Variants in PRMT8 observed in about 807,000 individuals in gnomAD.
The protein encoded by PRMT8 is protein arginine N-methyltransferase 8.
A neutral mutation model predicts 47.1 loss-of-function variants in PRMT8; 7 were observed. The observed-to-expected ratio is 0.15, with a 90% CI of 0.08 to 0.28. The LOEUF (loss-of-function observed/expected upper bound fraction) is 0.28. Among genes scored for constraint, PRMT8 ranks in the 10% least tolerant of loss-of-function variants. PRMT8 has a pLI of 1.00. For missense variants in PRMT8, 237 were observed against 505.4 expected, an observed-to-expected ratio of 0.47 and a Z score of 5.09; for synonymous variants, 188 against 186.5, an observed-to-expected ratio of 1.01 and a Z score of -0.07.
In PRMT8 at chr12:3,436,747, G is replaced by T. The variant is rs1051100035; in HGVS notation, c.48+55305G>T. 6.6e-6 allele frequency among the ~76,000 whole-genome samples: 1 copy of T among 152,144 alleles called. No individual in the cohort carries two copies. The highest frequency in any genetic ancestry group is 1.5e-5 in the Non-Finnish European group (1 of 68,032). On this transcript the variant is annotated intron_variant, in intron 1 of 9. Transcript: ENST00000452611. This position sits in a 1 kb window ranked among gnomAD's most constrained non-coding sequence, Gnocchi z 4.2. ...AAGGTGAAGTTATTTCCAGCGGATC[G>T]ATTGCAGCATCTCCCCGACAGCATG... is the stretch of plus-strand genomic sequence containing the variant.
At chr12:3,533,818 T>G (rs1866073155) in intron 1 of PRMT8, among the ~76,000 whole-genome samples, 1 of 152,274 alleles carries the variant, frequency 6.6e-6, no homozygotes, top group African/African-American at 2.4e-5. Context: ...CTTGCTTGTC[T>G]TGCTGCTGCC....
chr12:3,460,023 G>T (rs1219714477), intron 1 of PRMT8, among the ~76,000 whole-genome samples: 1 of 152,200 alleles, frequency 6.6e-6, no homozygotes, highest in Non-Finnish European at 1.5e-5. Context: ...CCCCTGGGAG[G>T]TTAAGCTGTG....
At position 3,593,309 on chromosome 12, in the gene PRMT8, G is replaced by T. The variant is rs963196314; in HGVS notation, c.*127G>T. On this transcript the variant is annotated 3_prime_UTR_variant, in exon 10 of 10. Transcript: ENST00000382622. This position sits in a 1 kb window ranked among gnomAD's most constrained non-coding sequence, Gnocchi z 4.8. ...CCAGAGTTTTCAACTCTGCCTTGAA[G>T]ATTGGTGAACTCCCCAGGGCTCCCG... 1 of 801,834 alleles carries T rather than the reference G, an allele frequency of 1.2e-6. No individual in the cohort carries two copies. The highest frequency in any genetic ancestry group is 2.0e-6 in the Non-Finnish European group (1 of 506,288). The allele number at this position is 801,834 out of a possible 1,614,324, so 49.7% of individuals were successfully genotyped here. A position where few individuals can be genotyped will look rare whatever the true frequency, so the allele number is the denominator to read the frequency against.
At chr12:3,455,440 C>T (rs1591554811) in intron 1 of PRMT8, among the ~76,000 whole-genome samples, 2 of 152,152 alleles carry the variant, frequency 1.3e-5, no homozygotes, top group Non-Finnish European at 2.9e-5. Flanking sequence ...CTTCAGGCGT[C>T]GATGCTGCCC....
At position 3,583,340 on chromosome 12, in the gene PRMT8, C is replaced by G. The variant is rs1209115291; in HGVS notation, c.979+132C>G. On this transcript the variant is annotated intron_variant, in intron 8 of 9. Coordinates refer to ENST00000382622, the MANE Select transcript of PRMT8 (RefSeq NM_019854.5). The surrounding 1 kb of genome is among the most constrained non-coding windows in gnomAD (Gnocchi z 4.7). ...TAGCTGGGTGACACCTATCAACCCTCTCCAGCCATGGAGGAACCATGCATC... is the reference window on the plus strand; with the variant it reads ...TAGCTGGGTGACACCTATCAACCCTGTCCAGCCATGGAGGAACCATGCATC... 18 of 1,000,944 alleles carry G rather than the reference C, an allele frequency of 1.8e-5. No homozygotes were observed. Among genetic ancestry groups the G allele is most frequent in the Non-Finnish European group, 2.6e-5 (18 of 695,644 alleles). 62.0% of individuals were successfully genotyped at this position (1,000,944 alleles called of 1,614,324 possible). A position where few individuals can be genotyped will look rare whatever the true frequency, so the allele number is the denominator to read the frequency against.
At chr12:3,393,201 G>A (rs1354042379) in intron 1 of PRMT8, among the ~76,000 whole-genome samples, 1 of 152,178 alleles carries the variant, frequency 6.6e-6, no homozygotes, top group African/African-American at 2.4e-5. Flanking sequence ...TTGCTGTGCA[G>A]AAGCTCTTTA....
intron 1 of PRMT8, among the ~76,000 whole-genome samples, chr12:3,506,039 G>A (rs147215217): frequency 1.3e-5 from 2 of 152,174 alleles, no homozygotes; most frequent in Non-Finnish European, 2.9e-5. Flanking sequence ...TAGGCCCACC[G>A]ACTTCTCAGC....
At chr12:3,497,398 G>T (rs569337183) in intron 1 of PRMT8, among the ~76,000 whole-genome samples, 2 of 152,260 alleles carry the variant, frequency 1.3e-5, no homozygotes, top group Admixed American at 6.5e-5. Context: ...CAAACTCCTC[G>T]AGTGTCTCAG....
chr12:3,431,895 G>A (rs1007973097), intron 1 of PRMT8, among the ~76,000 whole-genome samples: 5 of 152,232 alleles, frequency 3.3e-5, no homozygotes, highest in African/African-American at 1.2e-4. Flanking sequence ...CTACTGGGAG[G>A]AACCTCGCTG....
intron 1 of PRMT8, among the ~76,000 whole-genome samples, chr12:3,452,039 G>C (rs1864924168): frequency 6.6e-6 from 1 of 152,188 alleles, no homozygotes; most frequent in African/African-American, 2.4e-5. Flanking sequence ...TCTTTAGGAA[G>C]AAAGTGCCTG....
At position 3,470,339 on chromosome 12, in the gene PRMT8, C is replaced by T. The variant is rs564280225; in HGVS notation, c.49-70267C>T. Among the ~76,000 whole-genome samples, 24 of 152,216 alleles carry T rather than the reference C, an allele frequency of 1.6e-4. 1 individual carries two copies. In the East Asian group the frequency reaches 4.3e-3, roughly 27 times the overall value. On this transcript the variant is annotated intron_variant, in intron 1 of 9. Transcript: ENST00000452611. ...AATTGTTCTCACTTTGGTTGTTTTT[C>T]CATAGGACTCAATGTGCTCTTACAC...
At position 3,569,446 on chromosome 12, in the gene PRMT8, C is replaced by T. The variant is rs752122919; in HGVS notation, c.625-31C>T. ...ATGTCTTTGTCAGGTGAATAGATTA[C>T]GAGACCCATTTCCCCACAATTCATC... On this transcript the variant is annotated intron_variant, in intron 5 of 9. Coordinates refer to ENST00000382622, the MANE Select transcript of PRMT8 (RefSeq NM_019854.5). This position sits in a 1 kb window ranked among gnomAD's most constrained non-coding sequence, Gnocchi z 8.2. 1.6e-5 allele frequency: 25 copies of T among 1,571,314 alleles called. No individual in the cohort carries two copies. Among genetic ancestry groups the T allele is most frequent in the Middle Eastern group, 1.7e-4 (1 of 5,962 alleles).
At chr12:3,438,281 G>A (rs1474577455) in intron 1 of PRMT8, among the ~76,000 whole-genome samples, 1 of 152,198 alleles carries the variant, frequency 6.6e-6, no homozygotes, top group East Asian at 1.9e-4. Context: ...TTAGTCATTC[G>A]CGGTTTCAGG....
intron 1 of PRMT8, among the ~76,000 whole-genome samples, chr12:3,394,843 G>A (rs1275648351): frequency 1.3e-5 from 2 of 151,084 alleles, no homozygotes; most frequent in African/African-American, 4.8e-5. Flanking sequence ...TCTGGTCCTG[G>A]ACTCTTTTTG....
Position 3,454,256 on chromosome 12 carries a change from G to A in PRMT8, c.48+72814G>A, listed in dbSNP as rs1374670963. On this transcript the variant is annotated intron_variant, in intron 1 of 9. Coordinates refer to the PRMT8 transcript ENST00000452611. ...AAGCCGCTTCTTCTGACTCCCTGAC[G>A]GGGAGCCTGCGGATGGATTCCCAGG... Among the ~76,000 whole-genome samples the A allele has an allele frequency of 3.3e-5, 5 of 152,044 alleles. 1 individual carries two copies. Among genetic ancestry groups the A allele is most frequent in the Non-Finnish European group, 7.4e-5 (5 of 68,002 alleles).
In PRMT8 at chr12:3,535,004, C is replaced by T. The variant is rs78493673; in HGVS notation, c.76-5602C>T. Among the ~76,000 whole-genome samples the T allele has an allele frequency of 0.022, 3,341 of 152,328 alleles. 130 individuals carry two copies. Among genetic ancestry groups the T allele is most frequent in the African/African-American group, 0.076 (3,138 of 41,558 alleles). ...TCTATCTATAAAGTGCTTGGCGCAG[C>T]GCCTGGGGCGCAGTGGGCCCTTAGT... On this transcript the variant is annotated intron_variant, in intron 1 of 9. Coordinates refer to ENST00000382622, the MANE Select transcript of PRMT8 (RefSeq NM_019854.5). This position sits in a 1 kb window ranked among gnomAD's most constrained non-coding sequence, Gnocchi z 4.7.
chr12:3,588,233 C>T (rs1867224963), intron 8 of PRMT8, among the ~76,000 whole-genome samples: 1 of 152,176 alleles, frequency 6.6e-6, no homozygotes, highest in African/African-American at 2.4e-5. Flanking sequence ...GTCATTTTCC[C>T]ACATTAAAGA....
rs149899403 is a variant in PRMT8 at position 3,554,676 on chromosome 12, AG to A, written c.481+967del. ...GACGTTCCCTTGAGGGGTCTGGGGC[AG>A]GGGGAAAAAGAGGCCAGGTTGGGAA... On this transcript the variant is annotated intron_variant, in intron 4 of 9. Transcript: ENST00000382622. Among the ~76,000 whole-genome samples the A allele has an allele frequency of 2.5e-3, 388 of 152,226 alleles. 3 individuals are homozygous for A. In the East Asian group the frequency reaches 0.051, roughly 20 times the overall value.
intron 7 of PRMT8, 125 bp downstream of exon 7, chr12:3,577,111 C>T (rs1866960021): frequency 1.3e-6 from 1 of 751,782 alleles, no homozygotes; most frequent in Non-Finnish European, 2.3e-6. Flanking sequence ...TTGGCCAGAG[C>T]CTGTGATGCT....
Sources: allele counts gnomAD v4.1 joint callset (sites outside exome capture counted in the v4.1 genomes callset), GRCh38; gene constraint gnomAD v4.1.1; non-coding constraint Gnocchi (gnomAD v3.1); transcripts MANE v1.5; gene names NCBI Gene and HGNC (gene_info 2026-07-23, HGNC 2026-07-21).